ZNF628: variants seen among roughly 807,000 people sequenced by gnomAD.
The protein encoded by ZNF628 is zinc finger protein Zec.
Under a neutral mutation model 2.5 loss-of-function variants are expected in ZNF628, and 3 were observed. That is an observed-to-expected ratio of 1.19 (90% confidence interval 0.54 to 3.07). The LOEUF (loss-of-function observed/expected upper bound fraction) is 3.07, where lower values mean the gene tolerates loss of function less well. ZNF628 is among the 30% of genes most tolerant of loss of function. ZNF628 has a pLI of 0.03. For synonymous variants in ZNF628, 861 were observed against 717.1 expected (o/e 1.20, Z -3.21); for missense variants, 1,610 against 1,517.1 (o/e 1.06, Z -1.02).
At chr19:55,477,821 C>T (rs1011046199) in intron 1 of ZNF628, among the ~76,000 whole-genome samples, 2 of 152,050 alleles carry the variant, frequency 1.3e-5, no homozygotes, top group Admixed American at 6.6e-5. Context: ...GATGCCTAGC[C>T]TTCATTCATT....
chr19:55,483,455 C>T lies in ZNF628; in HGVS notation c.2262C>T (p.Gly754=), dbSNP rs955898062. 11 of 1,510,892 alleles carry T rather than the reference C, an allele frequency of 7.3e-6. No homozygotes were observed. In the African/African-American group the frequency reaches 9.6e-5, roughly 13 times the overall value. 93.6% of individuals were successfully genotyped at this position (1,510,892 alleles called of 1,614,324 possible). A position where few individuals can be genotyped will look rare whatever the true frequency, so the allele number is the denominator to read the frequency against. The stretch of plus-strand genomic sequence containing the variant: ...CCTCCTCCAGTGCTGGGGCTGGGGG[C>T]GGCCGTGCAAGGCAGGGCCCGCGGG... ...LLPSSSAGAG[G]GRARQGPRAV... Residue 754 remains glycine (G), a synonymous_variant, in exon 3 of 3, where the codon GGC becomes GGT. Coordinates refer to ENST00000598519, the MANE Select transcript of ZNF628 (RefSeq NM_033113.3).
chr19:55,478,870 G>C (rs975948602), intron 1 of ZNF628, among the ~76,000 whole-genome samples: 1 of 152,218 alleles, frequency 6.6e-6, no homozygotes, highest in Non-Finnish European at 1.5e-5. Context: ...AGATGGAGAA[G>C]CTATGGGTGG....
In ZNF628 at chr19:55,482,428, C is replaced by T. The variant is rs1438000150; in HGVS notation, c.1235C>T (p.Ala412Val). The change falls in exon 3 of 3, where the codon GCC (alanine) becomes GTC (valine). Residue 412 changes from alanine (A) to valine (V), a missense_variant. Transcript: ENST00000598519. ...CATCAGCAGTGCCACGTGGAAGAGG[C>T]CGCGGCCGGGCGCCCGCCCCCGCAG... ...LAHQQCHVEEAAAGRPPPQAE... is the reference protein window; with the variant it reads ...LAHQQCHVEEVAAGRPPPQAE... 3 of 1,355,354 alleles carry T rather than the reference C, an allele frequency of 2.2e-6. No individual in the cohort carries two copies. Among genetic ancestry groups the T allele is most frequent in the Admixed American group, 3.8e-5 (1 of 26,158 alleles). The allele number at this position is 1,355,354 out of a possible 1,614,324, so 84.0% of individuals were successfully genotyped here.
At position 55,484,479 on chromosome 19, in the gene ZNF628, C is replaced by T. The variant is rs1986856639; in HGVS notation, c.*106C>T. 2 of 1,015,030 alleles carry T rather than the reference C, an allele frequency of 2.0e-6. No individual in the cohort carries two copies. The highest frequency in any genetic ancestry group is 1.9e-5 in the South Asian group (1 of 51,616). The allele number at this position is 1,015,030 out of a possible 1,614,324, so 62.9% of individuals were successfully genotyped here. A position where few individuals can be genotyped will look rare whatever the true frequency, so the allele number is the denominator to read the frequency against. On this transcript the variant is annotated 3_prime_UTR_variant, in exon 3 of 3. Coordinates refer to ENST00000598519, the MANE Select transcript of ZNF628 (RefSeq NM_033113.3). Reference sequence around the variant, plus strand: ...TGGGCTTGCTAATAAAGACCCGAGTCTCCCCGCCTGTGTTTTGTTTTCCTG... The same window carrying T: ...TGGGCTTGCTAATAAAGACCCGAGTTTCCCCGCCTGTGTTTTGTTTTCCTG...
Position 55,481,908 on chromosome 19 carries a change from C to G in ZNF628, c.715C>G (p.Pro239Ala). The G allele has an allele frequency of 6.7e-7, 1 of 1,484,596 alleles. No individual in the cohort carries two copies. The highest frequency in any genetic ancestry group is 8.9e-7 in the Non-Finnish European group (1 of 1,121,800). The allele number at this position is 1,484,596 out of a possible 1,614,324, so 92.0% of individuals were successfully genotyped here. A position where few individuals can be genotyped will look rare whatever the true frequency, so the allele number is the denominator to read the frequency against. The part of the protein sequence containing the change: ...APAPGTASAA[P>A]PPQSREPGKV... ...CGCCCCGGGTACCGCCTCCGCGGCC[C>G]CGCCCCCCCAGTCCCGGGAGCCCGG... The change falls in exon 3 of 3, where the codon CCG becomes GCG. Residue 239 changes from proline to alanine, a missense_variant. By Grantham distance (27) the Pro-to-Ala change is conservative. Coordinates refer to ENST00000598519, the MANE Select transcript of ZNF628 (RefSeq NM_033113.3).
rs780980047 is a variant in ZNF628, at chr19:55,482,237, C to T, written c.1044C>T (p.Pro348=). 3 of 1,447,274 alleles carry T rather than the reference C, an allele frequency of 2.1e-6. No individual in the cohort carries two copies. The highest frequency in any genetic ancestry group is 2.7e-5 in the Admixed American group (1 of 36,960). 89.7% of individuals were successfully genotyped at this position (1,447,274 alleles called of 1,614,324 possible). Residue 348 remains proline (P), a synonymous_variant, in exon 3 of 3, where the codon CCC becomes CCT. Transcript: ENST00000598519. The part of the protein sequence containing the change: ...PPSPLPQPPP[P]AAAPAPGFAC... ...CCCCTCTGCCGCAGCCCCCTCCTCC[C>T]GCCGCCGCCCCCGCGCCTGGCTTTG...
chr19:55,483,476 G>T lies in ZNF628; in HGVS notation c.2283G>T (p.Pro761=). The change falls in exon 3 of 3, where the codon CCG becomes CCT. Residue 761 remains proline, a synonymous_variant. Coordinates refer to ENST00000598519, the MANE Select transcript of ZNF628 (RefSeq NM_033113.3). ...GAGGGRARQG[P]RAVGKAGQGA... is the part of the protein sequence containing the mutation. ...GGGGCGGCCGTGCAAGGCAGGGCCC[G>T]CGGGCAGTGGGGAAAGCGGGCCAGG... is the stretch of plus-strand genomic sequence containing the variant. 3.3e-6 allele frequency: 5 copies of T among 1,524,076 alleles called. No individual in the cohort carries two copies. The highest frequency in any genetic ancestry group is 2.7e-5 in the African/African-American group (2 of 73,138). 94.4% of individuals were successfully genotyped at this position (1,524,076 alleles called of 1,614,324 possible).
At chr19:55,480,307 G>A (rs992866373) in intron 2 of ZNF628, among the ~76,000 whole-genome samples, 4 of 149,708 alleles carry the variant, frequency 2.7e-5, no homozygotes, top group African/African-American at 4.9e-5. Flanking sequence ...GTACAGTGGT[G>A]TGATCTCGGC....
In ZNF628 at chr19:55,481,427, C is replaced by T. The variant is rs1276377387; in HGVS notation, c.234C>T (p.Ala78=). 1 of 1,612,618 alleles carries T rather than the reference C, an allele frequency of 6.2e-7. No homozygotes were observed. The change falls in exon 3 of 3, where the codon GCC becomes GCT. Residue 78 remains alanine (A), a synonymous_variant. Coordinates refer to ENST00000598519, the MANE Select transcript of ZNF628 (RefSeq NM_033113.3). The part of the protein sequence containing the change: ...DCPKAFKGSS[A]LLYHQRGHTG... ...CCAAGGCTTTCAAAGGCTCCTCGGC[C>T]CTGCTCTACCACCAGCGAGGCCACA...
At chr19:55,477,031 C>G (rs1215942064) in intron 1 of ZNF628, among the ~76,000 whole-genome samples, 1 of 152,240 alleles carries the variant, frequency 6.6e-6, no homozygotes, top group Non-Finnish European at 1.5e-5. Flanking sequence ...AGCTTTCTGA[C>G]TTAAAACAAT....
At chr19:55,477,655 G>A (rs1986591228) in intron 1 of ZNF628, among the ~76,000 whole-genome samples, 3 of 152,038 alleles carry the variant, frequency 2.0e-5, no homozygotes, top group South Asian at 4.1e-4. Context: ...CCAGCTACTC[G>A]GGAGGCTGAG....
At position 55,481,501 on chromosome 19, in the gene ZNF628, G is replaced by A. The variant is rs756754227; in HGVS notation, c.308G>A (p.Arg103His). Residue 103 changes from arginine (R) to histidine (H), a missense_variant, in exon 3 of 3, where the codon CGC becomes CAC. Physicochemically the swap from Arg to His is conservative, Grantham distance 29. Around this residue, in one of 5 missense-constraint regions of ZNF628, gnomAD observed 166 missense variants for 241.3 expected, o/e 0.69. Coordinates refer to ENST00000598519, the MANE Select transcript of ZNF628 (RefSeq NM_033113.3). Reference sequence around the variant, plus strand: ...CCCGACTGTCCCAAGGCCTTCAAGCGCTCCTCTCTGCTGCAGATCCACCGT... The same window carrying A: ...CCCGACTGTCCCAAGGCCTTCAAGCACTCCTCTCTGCTGCAGATCCACCGT... ...QCPDCPKAFK[R>H]SSLLQIHRSV... The A allele has an allele frequency of 6.2e-7, 1 of 1,605,314 alleles. No individual in the cohort carries two copies. The highest frequency in any genetic ancestry group is 8.5e-7 in the Non-Finnish European group (1 of 1,177,666).
intron 1 of ZNF628, among the ~76,000 whole-genome samples, chr19:55,478,394 G>A (rs1986615066): frequency 6.6e-6 from 1 of 152,200 alleles, no homozygotes; most frequent in East Asian, 1.9e-4. Flanking sequence ...CAGGTGGAAA[G>A]GAAGGGGGTG....
In ZNF628 at chr19:55,482,371, G is replaced by T. The variant is rs754336293; in HGVS notation, c.1178G>T (p.Gly393Val). The T allele has an allele frequency of 4.9e-6, 7 of 1,430,436 alleles. No homozygotes were observed. In the African/African-American group the frequency reaches 1.1e-4, roughly 21 times the overall value. The allele number at this position is 1,430,436 out of a possible 1,614,324, so 88.6% of individuals were successfully genotyped here. A position where few individuals can be genotyped will look rare whatever the true frequency, so the allele number is the denominator to read the frequency against. Residue 393 changes from glycine (G) to valine (V), a missense_variant, in exon 3 of 3, where the codon GGC becomes GTC. This residue lies in a region of ZNF628 where 651 missense variants were observed against 575.6 expected (regional missense o/e 1.13). Transcript: ENST00000598519. ...GQAFRCGSCDGSFPQLASLLA... is the reference protein window; with the variant it reads ...GQAFRCGSCDVSFPQLASLLA... ...GCGTTCCGCTGCGGCAGCTGCGACGGCTCCTTCCCGCAGCTGGCCAGCCTC... is the reference window on the plus strand; with the variant it reads ...GCGTTCCGCTGCGGCAGCTGCGACGTCTCCTTCCCGCAGCTGGCCAGCCTC...
chr19:55,478,416 G>T (rs1466935296), intron 1 of ZNF628, among the ~76,000 whole-genome samples: 1 of 152,216 alleles, frequency 6.6e-6, no homozygotes, highest in Non-Finnish European at 1.5e-5. Context: ...TTCTAGGCAG[G>T]TGCCCTGAGG....
At position 55,482,184 on chromosome 19, in the gene ZNF628, G is replaced by A. The variant is rs1986734781; in HGVS notation, c.991G>A (p.Glu331Lys). Residue 331 changes from glutamate (E) to lysine (K), a missense_variant, in exon 3 of 3, where the codon GAG (glutamate) becomes AAG (lysine). By Grantham distance (56) the Glu-to-Lys change is moderately conservative (BLOSUM62 1). This residue lies in a region of ZNF628 where 651 missense variants were observed against 575.6 expected (regional missense o/e 1.13). Coordinates refer to ENST00000598519, the MANE Select transcript of ZNF628 (RefSeq NM_033113.3). ...AAPQPQEAPA[E>K]APKADQPPSP... ...GCCCCAGCCCCAGGAGGCACCCGCCGAGGCGCCCAAGGCCGACCAGCCACC... is the reference window on the plus strand; with the variant it reads ...GCCCCAGCCCCAGGAGGCACCCGCCAAGGCGCCCAAGGCCGACCAGCCACC... The A allele has an allele frequency of 1.3e-6, 2 of 1,493,444 alleles. No individual in the cohort carries two copies. Among genetic ancestry groups the A allele is most frequent in the Non-Finnish European group, 1.8e-6 (2 of 1,126,740 alleles). The allele number at this position is 1,493,444 out of a possible 1,614,324, so 92.5% of individuals were successfully genotyped here. A position where few individuals can be genotyped will look rare whatever the true frequency, so the allele number is the denominator to read the frequency against.
In ZNF628 at chr19:55,484,110, A is replaced by T; in HGVS notation, c.2917A>T (p.Lys973Ter). The T allele has an allele frequency of 6.3e-7, 1 of 1,593,470 alleles. No homozygotes were observed. The highest frequency in any genetic ancestry group is 1.3e-5 in the African/African-American group (1 of 74,306). The change falls in exon 3 of 3, where the codon AAA (lysine) becomes TAA (stop). Residue 973 changes from lysine (K) to a stop codon, truncating the protein, a stop_gained. Transcript: ENST00000598519. LOFTEE classifies it low-confidence loss of function (END_TRUNC). Reference sequence around the variant, plus strand: ...GCCTGCCACCGGCCCACCCGGACAGAAACTCCTCATCATCCGCAGCGCCCC... The same window carrying T: ...GCCTGCCACCGGCCCACCCGGACAGTAACTCCTCATCATCCGCAGCGCCCC... Reference protein sequence around the residue: ...EPPATGPPGQKLLIIRSAPAT... With the variant: ...EPPATGPPGQ
Position 55,483,998 on chromosome 19 carries a change from C to T in ZNF628, c.2805C>T (p.Ser935=), listed in dbSNP as rs746983964. 5 of 1,583,686 alleles carry T rather than the reference C, an allele frequency of 3.2e-6. No individual in the cohort carries two copies. The highest frequency in any genetic ancestry group is 2.7e-5 in the African/African-American group (2 of 74,430). Residue 935 remains serine (S), a synonymous_variant, in exon 3 of 3, where the codon AGC becomes AGT. Coordinates refer to ENST00000598519, the MANE Select transcript of ZNF628 (RefSeq NM_033113.3). ...TCCAGACGGACGAGGGCTTGCAGAG[C>T]GTGCTGGTGCTGAGCGGGGCCGATG... ...ETLQTDEGLQ[S]VLVLSGADGE... is the part of the protein sequence containing the mutation.
rs1986718010 is a variant in ZNF628 at position 55,481,883 on chromosome 19, C to CGCCCCGGGTGCCGCCTCCGCG, written c.699_700insGCCGCCTCCGCGGCCCCGGGT (p.Gly233_Thr234insAlaAlaSerAlaAlaProGly). 1.3e-6 allele frequency: 2 copies of CGCCCCGGGTGCCGCCTCCGCG among 1,519,422 alleles called. No homozygotes were observed. The highest frequency in any genetic ancestry group is 1.4e-5 in the African/African-American group (1 of 71,358). The allele number at this position is 1,519,422 out of a possible 1,614,324, so 94.1% of individuals were successfully genotyped here. ...ACCAGCGCACGCACGGCGCCGCCCC[C>CGCCCCGGGTGCCGCCTCCGCG]GCCCCGGGTACCGCCTCCGCGGCCC... On this transcript the variant is annotated inframe_insertion, in exon 3 of 3. Coordinates refer to ENST00000598519, the MANE Select transcript of ZNF628 (RefSeq NM_033113.3).
Sources: allele counts gnomAD v4.1 joint callset (sites outside exome capture counted in the v4.1 genomes callset), GRCh38; gene constraint gnomAD v4.1.1; regional missense constraint gnomAD v4.1.1; transcripts MANE v1.5; gene names NCBI Gene and HGNC (gene_info 2026-07-23, HGNC 2026-07-21).